NFYC: variants seen among roughly 807,000 people sequenced by gnomAD.
NFYC encodes the protein CAAT box DNA-binding protein subunit C.
Under a neutral mutation model 53.1 loss-of-function variants are expected in NFYC, and 25 were observed. The ratio of observed to expected loss-of-function variants is 0.47; its 90% CI spans 0.34 to 0.66. NFYC has a LOEUF of 0.66. Among genes scored for constraint, NFYC ranks in the 30% least tolerant of loss-of-function variants. The probability of loss-of-function intolerance (pLI) is 0.01; values close to 1 mark genes in which losing one functional copy is unlikely to be tolerated. For synonymous variants in NFYC, 145 were observed against 152.6 expected (o/e 0.95, Z 0.37); for missense variants, 260 against 422.7 (o/e 0.62, Z 3.38).
At chr1:40,712,714 G>A (rs1212642157) in intron 1 of NFYC, 2 of 128,432 alleles carry the variant, frequency 1.6e-5, no homozygotes, top group Non-Finnish European at 3.1e-5. Context: ...TGCCAAGGCT[G>A]GTGTGCCAGG....
intron 1 of NFYC, chr1:40,735,346 T>C (rs1644973673): frequency 6.5e-6 from 1 of 152,792 alleles, no homozygotes; most frequent in Non-Finnish European, 1.5e-5. Context: ...AAAAATTTGA[T>C]AACTTCTGTT....
At chr1:40,726,125 GTT>G (rs967130567) in intron 1 of NFYC, among the ~76,000 whole-genome samples, 5 of 126,468 alleles carry the variant, frequency 4.0e-5, no homozygotes, top group Non-Finnish European at 7.4e-5. Context: ...GTGTGTGTGT[GTT>G]TTTTTTTGAG....
chr1:40,730,954 A>G (rs1034573373), intron 1 of NFYC, among the ~76,000 whole-genome samples: 2 of 152,132 alleles, frequency 1.3e-5, no homozygotes, highest in African/African-American at 4.8e-5. Flanking sequence ...GAGTTTGAGC[A>G]TTGTCCCCAC....
intron 1 of NFYC, among the ~76,000 whole-genome samples, chr1:40,720,328 AC>A (rs1336718249): frequency 4.0e-5 from 6 of 151,170 alleles, no homozygotes; most frequent in Admixed American, 4.0e-4. Flanking sequence ...CTGTCCCACC[AC>A]CCCCCTGGTT....
intron 6 of NFYC, among the ~76,000 whole-genome samples, chr1:40,762,219 T>G (rs1346934903): frequency 2.6e-5 from 4 of 152,184 alleles, no homozygotes; most frequent in Admixed American, 2.6e-4. Context: ...TAATTAGGGG[T>G]AGACTTAGTT....
chr1:40,712,586 C>T (rs1243072716), intron 1 of NFYC: 1 of 149,194 alleles, frequency 6.7e-6, no homozygotes, highest in Non-Finnish European at 1.5e-5. Flanking sequence ...TGTGATTATC[C>T]TGTCAATTTT....
chr1:40,752,811 G>A (rs1315619778), intron 4 of NFYC, among the ~76,000 whole-genome samples: 2 of 151,990 alleles, frequency 1.3e-5, no homozygotes, highest in Non-Finnish European at 2.9e-5. Flanking sequence ...ACCTAACTTT[G>A]CTAACCCACA....
At chr1:40,715,850 A>G (rs1431280149) in intron 1 of NFYC, among the ~76,000 whole-genome samples, 1 of 152,258 alleles carries the variant, frequency 6.6e-6, no homozygotes, top group Non-Finnish European at 1.5e-5. Context: ...TTAAAGTGGC[A>G]TAACATTGTG....
intron 1 of NFYC, chr1:40,735,422 C>T (rs1223681729): frequency 5.7e-6 from 1 of 174,880 alleles, no homozygotes; most frequent in Non-Finnish European, 1.1e-5. Context: ...GATCTGTTGA[C>T]TACACAGATG....
rs1201171401 is a variant in NFYC, at chr1:40,770,628, C to T, written c.889-81C>T. 1 of 1,614,104 alleles carries T rather than the reference C, an allele frequency of 6.2e-7. No homozygotes were observed. The highest frequency in any genetic ancestry group is 8.5e-7 in the Non-Finnish European group (1 of 1,179,990). The stretch of plus-strand genomic sequence containing the variant: ...GGTGGTGGTTGAGGTATCTGGGACC[C>T]CCAACCAGCTCGAGACCCATAGGGA... On this transcript the variant is annotated intron_variant, in intron 9 of 9. Transcript: ENST00000447388. This position sits in a 1 kb window ranked among gnomAD's most constrained non-coding sequence, Gnocchi z 5.3.
chr1:40,700,301 TG>T (rs1249778770), intron 1 of NFYC, among the ~76,000 whole-genome samples: 13 of 152,186 alleles, frequency 8.5e-5, no homozygotes, highest in Non-Finnish European at 1.5e-4. Flanking sequence ...TATTAACCAC[TG>T]GGTCTTAGTG....
rs138757026 is a variant in NFYC at position 40,763,798 on chromosome 1, G to A, written c.720+752G>A. 1.4e-4 allele frequency among the ~76,000 whole-genome samples: 22 copies of A among 152,244 alleles called. No individual in the cohort carries two copies. In the East Asian group the frequency reaches 3.9e-3, roughly 27 times the overall value. ...TCACCACGATTGGGCGGCTTCTCTCGATTTCCCCTCATTCTACCTATGCAG... is the reference window on the plus strand; with the variant it reads ...TCACCACGATTGGGCGGCTTCTCTCAATTTCCCCTCATTCTACCTATGCAG... On this transcript the variant is annotated intron_variant, in intron 7 of 9. Transcript: ENST00000447388.
chr1:40,747,492 G>C (rs932214800), intron 2 of NFYC, 42 bp from the exon 3 acceptor site: 2 of 1,434,490 alleles, frequency 1.4e-6, no homozygotes, highest in African/African-American at 2.8e-5. Flanking sequence ...CCACACTGTT[G>C]ATTGTCCCCA....
intron 1 of NFYC, among the ~76,000 whole-genome samples, chr1:40,738,137 T>C (rs907631410): frequency 1.3e-5 from 2 of 151,672 alleles, no homozygotes; most frequent in South Asian, 2.1e-4. Flanking sequence ...CTCCTGACCT[T>C]GTGATCCGCC....
intron 1 of NFYC, among the ~76,000 whole-genome samples, chr1:40,737,352 G>A (rs1476544125): frequency 1.4e-5 from 2 of 139,064 alleles, no homozygotes; most frequent in East Asian, 2.1e-4. Flanking sequence ...TTTTTGCGAT[G>A]GAGTCTTGCT....
intron 4 of NFYC, among the ~76,000 whole-genome samples, chr1:40,750,667 T>A (rs1645864351): frequency 6.6e-6 from 1 of 152,200 alleles, no homozygotes; most frequent in Non-Finnish European, 1.5e-5. Context: ...TGCCTTGAAG[T>A]TAGTCTGTGG....
intron 1 of NFYC, among the ~76,000 whole-genome samples, chr1:40,738,167 G>A (rs1645154173): frequency 6.6e-6 from 1 of 152,150 alleles, no homozygotes; most frequent in Admixed American, 6.5e-5. Flanking sequence ...CTCCCAAAGT[G>A]CTGGGATTAC....
intron 2 of NFYC, 125 bp downstream of exon 2, chr1:40,739,073 C>T: frequency 2.9e-6 from 2 of 686,814 alleles, no homozygotes; most frequent in Non-Finnish European, 2.5e-6. Context: ...ATGGTTCACC[C>T]CTGACCTGTG....
At chr1:40,700,769 A>G (rs999046344) in intron 1 of NFYC, among the ~76,000 whole-genome samples, 2 of 152,138 alleles carry the variant, frequency 1.3e-5, no homozygotes, top group African/African-American at 4.8e-5. Context: ...GGAGATGACA[A>G]ATTCTGAATT....
Sources: allele counts gnomAD v4.1 joint callset (sites outside exome capture counted in the v4.1 genomes callset), GRCh38; gene constraint gnomAD v4.1.1; non-coding constraint Gnocchi (gnomAD v3.1); transcripts MANE v1.5; gene names NCBI Gene and HGNC (gene_info 2026-07-23, HGNC 2026-07-21).